NBEAL1: variants seen among roughly 807,000 people sequenced by gnomAD.
The protein encoded by NBEAL1 is neurobeachin-like protein 1.
NBEAL1 carries 273 observed loss-of-function variants against 351.3 expected under a neutral mutation model. That is an observed-to-expected ratio of 0.78 (90% CI 0.70 to 0.86). The LOEUF is 0.86. NBEAL1 is among the 40% of genes least tolerant of loss of function. The pLI is 0.00. For missense variants in NBEAL1, 2,961 were observed against 3,201.3 expected, an observed-to-expected ratio of 0.92 and a Z score of 1.81; for synonymous variants, 1,050 against 1,086.4, an observed-to-expected ratio of 0.97 and a Z score of 0.66.
At position 203,108,227 on chromosome 2, in the gene NBEAL1, A is replaced by G. The variant is rs1182030711; in HGVS notation, c.1949+39A>G. ...TTATGGAATATAAATGAATACTGTC[A>G]TAACAATATATGCTGTGATTCTTAA... On this transcript the variant is annotated intron_variant, in intron 14 of 55. Transcript: ENST00000683969. The G allele has an allele frequency of 1.4e-5, 20 of 1,384,362 alleles. No homozygotes were observed. The East Asian group carries it at 3.3e-4, about 23-fold the overall frequency. The allele number at this position is 1,384,362 out of a possible 1,614,324, so 85.8% of individuals were successfully genotyped here.
chr2:203,104,659 A>G (rs1271998813), intron 12 of NBEAL1, among the ~76,000 whole-genome samples: 1 of 152,032 alleles, frequency 6.6e-6, no homozygotes, highest in African/African-American at 2.4e-5. Flanking sequence ...TTATGTACTT[A>G]AGTGTGTTTT....
chr2:203,168,406 T>A (rs1405267987), intron 38 of NBEAL1, among the ~76,000 whole-genome samples: 1 of 151,874 alleles, frequency 6.6e-6, no homozygotes, highest in Non-Finnish European at 1.5e-5. Context: ...GCCAACATGG[T>A]GAAACACCAT....
Position 203,193,449 on chromosome 2 carries a change from G to A in NBEAL1, c.6922-346G>A, listed in dbSNP as rs187473507. Among the ~76,000 whole-genome samples the A allele has an allele frequency of 1.8e-3, 274 of 152,154 alleles. 4 individuals are homozygous for A. Among genetic ancestry groups the A allele is most frequent in the Middle Eastern group, 0.01 (3 of 294 alleles). On this transcript the variant is annotated intron_variant, in intron 46 of 55. Transcript: ENST00000683969. Reference sequence around the variant, plus strand: ...TTAAGGCACTTATAACCTAGCTGGGGAAGACAGACCATAAACAACTATATG... The same window carrying A: ...TTAAGGCACTTATAACCTAGCTGGGAAAGACAGACCATAAACAACTATATG...
At chr2:203,044,335 T>C (rs1243445239) in intron 3 of NBEAL1, among the ~76,000 whole-genome samples, 2 of 152,352 alleles carry the variant, frequency 1.3e-5, no homozygotes, top group South Asian at 2.1e-4. Context: ...AATATTCTTA[T>C]GATTTGTGCT....
At chr2:203,175,889 C>T (rs1446932234) in intron 42 of NBEAL1, among the ~76,000 whole-genome samples, 2 of 152,134 alleles carry the variant, frequency 1.3e-5, no homozygotes, top group Admixed American at 1.3e-4. Context: ...CTACCCAAAC[C>T]AGAGCTATGT....
intron 36 of NBEAL1, among the ~76,000 whole-genome samples, chr2:203,159,332 C>A (rs550879936): frequency 6.6e-6 from 1 of 152,126 alleles, no homozygotes; most frequent in East Asian, 1.9e-4. Context: ...ATTTATGTCA[C>A]CCCAAAAGGA....
At position 203,221,369 on chromosome 2, in the gene NBEAL1, T is replaced by C. The variant is rs189632680; in HGVS notation, c.*4015T>C. 6.2e-4 allele frequency among the ~76,000 whole-genome samples: 93 copies of C among 151,006 alleles called. No individual in the cohort carries two copies. Among genetic ancestry groups the C allele is most frequent in the African/African-American group, 2.2e-3 (90 of 41,332 alleles). On this transcript the variant is annotated 3_prime_UTR_variant, in exon 56 of 56. Coordinates refer to ENST00000683969, the MANE Select transcript of NBEAL1 (RefSeq NM_001378026.1). The stretch of plus-strand genomic sequence containing the variant: ...GTCCTAGGACTATATTAAATATAAA[T>C]ATTATATTATTAAATAATATATGTA...
chr2:203,040,364 C>A, intron 2 of NBEAL1: 1 of 711,712 alleles, frequency 1.4e-6, no homozygotes, highest in Non-Finnish European at 2.5e-6. Context: ...GATAAACATG[C>A]CATGGCCTTT....
intron 18 of NBEAL1, among the ~76,000 whole-genome samples, chr2:203,121,001 T>C (rs959815648): frequency 2.0e-5 from 3 of 152,208 alleles, no homozygotes; most frequent in Middle Eastern, 3.2e-3. Flanking sequence ...GGGATTAGAT[T>C]AGATTCAAGG....
chr2:203,179,086 G>A (rs1281788072), intron 42 of NBEAL1, among the ~76,000 whole-genome samples: 1 of 152,110 alleles, frequency 6.6e-6, no homozygotes, highest in African/African-American at 2.4e-5. Flanking sequence ...TAAAACACAA[G>A]AGACAAATTG....
intron 2 of NBEAL1, among the ~76,000 whole-genome samples, chr2:203,019,107 A>G (rs946906680): frequency 1.3e-5 from 2 of 152,096 alleles, no homozygotes; most frequent in African/African-American, 4.8e-5. Flanking sequence ...CTACAGTTTG[A>G]ACGTTTTGCT....
rs561056098 is a variant in NBEAL1, at chr2:203,042,933, G to A, written c.143+1077G>A. 6.4e-4 allele frequency among the ~76,000 whole-genome samples: 98 copies of A among 152,138 alleles called. 1 individual carries two copies. Among genetic ancestry groups the A allele is most frequent in the African/African-American group, 2.2e-3 (92 of 41,512 alleles). ...GAGCAGCCTTCTATTGAAACTAAGGGCTTACCTTGAGTCACTTCATTTGCA... is the reference window on the plus strand; with the variant it reads ...GAGCAGCCTTCTATTGAAACTAAGGACTTACCTTGAGTCACTTCATTTGCA... On this transcript the variant is annotated intron_variant, in intron 3 of 55. Coordinates refer to ENST00000683969, the MANE Select transcript of NBEAL1 (RefSeq NM_001378026.1).
chr2:203,176,630 A>C (rs1398895391), intron 42 of NBEAL1, among the ~76,000 whole-genome samples: 3 of 151,588 alleles, frequency 2.0e-5, no homozygotes, highest in African/African-American at 7.3e-5. Context: ...TACTCAGGAG[A>C]CTGAGGCATG....
chr2:203,057,217 A>G, intron 5 of NBEAL1, 109 bp from the exon 6 acceptor site: 1 of 911,800 alleles, frequency 1.1e-6, no homozygotes, highest in Admixed American at 2.5e-5. Flanking sequence ...CCATATGATT[A>G]AATGACTCTT....
chr2:203,067,699 A>G (rs925701253), intron 6 of NBEAL1, among the ~76,000 whole-genome samples: 1 of 152,190 alleles, frequency 6.6e-6, no homozygotes, highest in African/African-American at 2.4e-5. Context: ...ATGAAAAAAT[A>G]TCTGTGATTT....
chr2:203,053,995 G>C (rs1230492997), intron 4 of NBEAL1, among the ~76,000 whole-genome samples: 2 of 151,750 alleles, frequency 1.3e-5, no homozygotes, highest in African/African-American at 4.8e-5. Context: ...GTACACTCCA[G>C]GCTGGAGTGT....
intron 11 of NBEAL1, among the ~76,000 whole-genome samples, chr2:203,098,846 T>C (rs183118879): frequency 2.4e-4 from 37 of 152,348 alleles, no homozygotes; most frequent in Admixed American, 6.5e-4. Flanking sequence ...GATTGGCATA[T>C]GCACATGCCA....
At chr2:203,086,975 G>A (rs894684501) in intron 10 of NBEAL1, among the ~76,000 whole-genome samples, 2 of 151,078 alleles carry the variant, frequency 1.3e-5, no homozygotes, top group Admixed American at 6.6e-5. Flanking sequence ...GGACAATTTC[G>A]TTTTTTAAAC....
intron 4 of NBEAL1, chr2:203,052,352 A>G (rs2061337619): frequency 6.5e-6 from 1 of 153,104 alleles, no homozygotes; most frequent in African/African-American, 2.4e-5. Context: ...CCTGTGTCTC[A>G]ATTTAGCCAC....
Sources: gnomAD v4.1 joint callset for allele counts (sites outside exome capture counted in the v4.1 genomes callset) on GRCh38, gnomAD v4.1.1 for gene constraint, MANE v1.5 for transcripts, NCBI Gene and HGNC (gene_info 2026-07-23, HGNC 2026-07-21) for gene names.